Variants in PDPR observed in about 807,000 individuals in gnomAD.
PDPR encodes pyruvate dehydrogenase phosphatase regulatory subunit, mitochondrial.
PDPR carries 50 observed loss-of-function variants against 102.2 expected under a neutral mutation model. The ratio of observed to expected loss-of-function variants is 0.49; its 90% CI spans 0.39 to 0.62. The LOEUF (loss-of-function observed/expected upper bound fraction) is 0.62, where lower values mean the gene tolerates loss of function less well. Ranked by LOEUF, PDPR falls within the 20% of genes least tolerant of loss-of-function variation. The pLI is 0.00. For synonymous variants in PDPR, 259 were observed against 406.0 expected, an observed-to-expected ratio of 0.64 and a Z score of 4.35; for missense variants, 625 against 1,098.2, an observed-to-expected ratio of 0.57 and a Z score of 6.09.
At chr16:70,127,222 G>T in intron 3 of PDPR, 38 bp from the exon 4 acceptor site, 1 of 1,559,646 alleles carries the variant, frequency 6.4e-7, no homozygotes, top group Non-Finnish European at 8.7e-7. Context: ...CACAGATGAC[G>T]TCAATCTACC....
chr16:70,154,389 A>C (rs1966885173), intron 18 of PDPR, among the ~76,000 whole-genome samples: 4 of 152,266 alleles, frequency 2.6e-5, no homozygotes, highest in Admixed American at 6.5e-5. Flanking sequence ...CACAACTGTA[A>C]TCCTAGCACT....
intron 2 of PDPR, among the ~76,000 whole-genome samples, chr16:70,116,543 A>G (rs895590624): frequency 1.3e-4 from 18 of 138,972 alleles, no homozygotes; most frequent in Non-Finnish European, 3.1e-5. Context: ...CCTCTCTACA[A>G]AAAAAAAAAA....
At chr16:70,150,531 A>ATTTTTTTTTTTTTTTTTTTTT (rs71151175) in intron 17 of PDPR, among the ~76,000 whole-genome samples, 1 of 138,298 alleles carries the variant, frequency 7.2e-6, no homozygotes, top group Non-Finnish European at 1.6e-5. Flanking sequence ...TTTTCTCTTA[A>ATTTTTTTTTTTTTTTTTTTTT]TTTTTTTTTT....
intron 3 of PDPR, among the ~76,000 whole-genome samples, chr16:70,124,354 C>T (rs780794131): frequency 1.3e-5 from 2 of 152,248 alleles, no homozygotes; most frequent in Non-Finnish European, 2.9e-5. Flanking sequence ...CAGAGTGAGA[C>T]TGTCTCAAAA....
downstream of PDPR, among the ~76,000 whole-genome samples, chr16:70,163,416 C>G (rs1381588193): frequency 6.6e-6 from 1 of 152,262 alleles, no homozygotes; most frequent in Non-Finnish European, 1.5e-5. Flanking sequence ...CACCTGGTCT[C>G]CCCACTCGCC....
chr16:70,148,976 C>A (rs1273277132), intron 17 of PDPR, among the ~76,000 whole-genome samples: 2 of 151,886 alleles, frequency 1.3e-5, no homozygotes, highest in East Asian at 3.9e-4. Context: ...CTCACTGCAG[C>A]CTCGACCTCT....
chr16:70,136,965 A>G (rs1467294173), intron 10 of PDPR, among the ~76,000 whole-genome samples: 2 of 152,184 alleles, frequency 1.3e-5, no homozygotes, highest in African/African-American at 4.8e-5. Flanking sequence ...CTGGTCTTGA[A>G]CTCCTGACTT....
Position 70,160,200 on chromosome 16 carries a change from CTTCTG to C in PDPR, c.*3326_*3330del. 1 of 152,744 alleles carries C rather than the reference CTTCTG, an allele frequency of 6.5e-6. No individual in the cohort carries two copies. Among genetic ancestry groups the C allele is most frequent in the Non-Finnish European group, 1.5e-5 (1 of 68,342 alleles). The allele number at this position is 152,744 out of a possible 1,614,324, so 9.5% of individuals were successfully genotyped here. On this transcript the variant is annotated 3_prime_UTR_variant, in exon 19 of 19. Coordinates refer to ENST00000288050, the MANE Select transcript of PDPR (RefSeq NM_017990.5). ...CCCTTCATCGTCAGGCCACGTGTGA[CTTCTG>C]TTCTTAGCACTGCCAGGGTCATTGA... is the stretch of plus-strand genomic sequence containing the variant.
intron 16 of PDPR, among the ~76,000 whole-genome samples, 158 bp from the exon 17 acceptor site, chr16:70,148,306 C>G (rs1475794700): frequency 6.6e-6 from 1 of 152,252 alleles, no homozygotes; most frequent in Non-Finnish European, 1.5e-5. Flanking sequence ...GCCTCAGGAC[C>G]TGGAAGTTAA....
At chr16:70,152,474 C>G (rs1051446237) in intron 17 of PDPR, among the ~76,000 whole-genome samples, 1 of 152,264 alleles carries the variant, frequency 6.6e-6, no homozygotes, top group Non-Finnish European at 1.5e-5. Flanking sequence ...GCCGAGATCG[C>G]GCCACTTCAC....
intron 14 of PDPR, among the ~76,000 whole-genome samples, chr16:70,144,062 T>G (rs1298339154): frequency 6.6e-6 from 1 of 152,128 alleles, no homozygotes; most frequent in Non-Finnish European, 1.5e-5. Context: ...CAGCCAGTTT[T>G]TGTATATTTT....
Position 70,158,119 on chromosome 16 carries a change from C to T in PDPR, c.*1240C>T, listed in dbSNP as rs1205514801. On this transcript the variant is annotated 3_prime_UTR_variant, in exon 19 of 19. Coordinates refer to ENST00000288050, the MANE Select transcript of PDPR (RefSeq NM_017990.5). ...CCCAGGCTCTTTGTTTCCCTCCACC[C>T]ACCCTTCCATATCCTCTGGAGCAGG... 2 of 152,894 alleles carry T rather than the reference C, an allele frequency of 1.3e-5. No homozygotes were observed. Among genetic ancestry groups the T allele is most frequent in the Admixed American group, 1.3e-4 (2 of 15,284 alleles). The allele number at this position is 152,894 out of a possible 1,614,324, so 9.5% of individuals were successfully genotyped here. A position where few individuals can be genotyped will look rare whatever the true frequency, so the allele number is the denominator to read the frequency against.
intron 18 of PDPR, among the ~76,000 whole-genome samples, chr16:70,154,636 GTTTT>G (rs1183130036): frequency 6.6e-6 from 1 of 152,236 alleles, no homozygotes; most frequent in Admixed American, 6.5e-5. Flanking sequence ...AATTTTTGTG[GTTTT>G]TTTCTTTTGT....
At chr16:70,148,636 C>T in intron 17 of PDPR, 83 bp downstream of exon 17, 2 of 1,314,448 alleles carry the variant, frequency 1.5e-6, no homozygotes, top group Non-Finnish European at 2.1e-6. Context: ...TGTGGGGTGC[C>T]AGTGCTCCCA....
At chr16:70,125,310 A>C (rs958114057) in intron 3 of PDPR, among the ~76,000 whole-genome samples, 10 of 152,218 alleles carry the variant, frequency 6.6e-5, no homozygotes, top group Admixed American at 4.6e-4. Flanking sequence ...TGGGAGGTGG[A>C]GGTTGCGGTG....
intron 14 of PDPR, among the ~76,000 whole-genome samples, 172 bp from the exon 15 acceptor site, chr16:70,144,249 T>C (rs1324239552): frequency 1.4e-5 from 2 of 147,744 alleles, no homozygotes; most frequent in African/African-American, 2.5e-5. Flanking sequence ...AGCCAGAATT[T>C]TGTTTTGTTG....
intron 18 of PDPR, among the ~76,000 whole-genome samples, chr16:70,154,370 G>A (rs1184441020): frequency 6.6e-6 from 1 of 151,910 alleles, no homozygotes; most frequent in African/African-American, 2.4e-5. Flanking sequence ...TTGGTCAGGT[G>A]CGGTGGCTCA....
intron 4 of PDPR, among the ~76,000 whole-genome samples, chr16:70,128,412 GAGACA>G (rs2152075061): frequency 6.6e-6 from 1 of 152,350 alleles, no homozygotes; most frequent in East Asian, 1.9e-4. Context: ...ATTTTTAGTA[GAGACA>G]GGGTTTCACC....
At chr16:70,113,732 A>C (rs1962356235), upstream of PDPR, 1 of 141,528 alleles carries the variant, frequency 7.1e-6, no homozygotes, top group Non-Finnish European at 1.6e-5. Flanking sequence ...GAGCTGAGCC[A>C]AGCTGAGAAG....
Sources: allele counts gnomAD v4.1 joint callset (sites outside exome capture counted in the v4.1 genomes callset), GRCh38; gene constraint gnomAD v4.1.1; transcripts MANE v1.5; gene names NCBI Gene and HGNC (gene_info 2026-07-23, HGNC 2026-07-21).